The following PSPC1 variants were observed in gnomAD, a reference collection of about 807,000 sequenced individuals.
PSPC1 encodes paraspeckle protein 1.
Under a neutral mutation model 51.6 loss-of-function variants are expected in PSPC1, and 14 were observed. The observed-to-expected ratio is 0.27, with a 90% confidence interval of 0.18 to 0.42. PSPC1 has a LOEUF of 0.42. PSPC1 is among the 10% of genes least tolerant of loss of function. PSPC1 has a pLI of 1.00. For missense variants in PSPC1, 406 were observed against 701.1 expected, an observed-to-expected ratio of 0.58 and a Z score of 4.75; for synonymous variants, 193 against 231.9, an observed-to-expected ratio of 0.83 and a Z score of 1.53.
downstream of PSPC1, among the ~76,000 whole-genome samples, chr13:19,700,760 A>G (rs1482675949): frequency 1.3e-5 from 2 of 152,020 alleles, no homozygotes; most frequent in Non-Finnish European, 2.9e-5. Flanking sequence ...AAATTGTTTC[A>G]TATTACTTTT....
intron 4 of PSPC1, among the ~76,000 whole-genome samples, chr13:19,744,560 T>C (rs1465603899): frequency 2.0e-5 from 3 of 151,476 alleles, no homozygotes. Flanking sequence ...GATGTCTTTT[T>C]TTTTCTTTTT....
intron 1 of PSPC1, among the ~76,000 whole-genome samples, chr13:19,777,200 C>A (rs144850562): frequency 2.0e-5 from 3 of 148,194 alleles, no homozygotes; most frequent in African/African-American, 2.5e-5. Flanking sequence ...GAGGCTGAGG[C>A]GGGTGGATCA....
intron 6 of PSPC1, among the ~76,000 whole-genome samples, chr13:19,715,830 G>A (rs1036267273): frequency 1.3e-5 from 2 of 152,088 alleles, no homozygotes; most frequent in Admixed American, 6.6e-5. Context: ...TAGCTAACAC[G>A]GTGAAACCCC....
intron 6 of PSPC1, among the ~76,000 whole-genome samples, chr13:19,726,131 C>A (rs1883336247): frequency 6.6e-6 from 1 of 152,080 alleles, no homozygotes; most frequent in Non-Finnish European, 1.5e-5. Flanking sequence ...ATAGCCACTG[C>A]ACTCCAGCCT....
chr13:19,685,127 C>A (rs896526965), intron 6 of PSPC1, among the ~76,000 whole-genome samples: 1 of 152,098 alleles, frequency 6.6e-6, no homozygotes, highest in African/African-American at 2.4e-5. Flanking sequence ...GTAAATCTAC[C>A]ATCTCAAACT....
chr13:19,696,385 AC>A (rs1879240216), intron 6 of PSPC1, among the ~76,000 whole-genome samples: 1 of 152,164 alleles, frequency 6.6e-6, no homozygotes, highest in African/African-American at 2.4e-5. Flanking sequence ...TGGTACAGTC[AC>A]AATTTTTTGG....
At position 19,782,752 on chromosome 13, in the gene PSPC1, C is replaced by T; in HGVS notation, c.6G>A (p.Met2Ile). MMLRGNLKQVRI... is the reference protein window; with the variant it reads MILRGNLKQVRI... Reference sequence around the variant, plus strand: ...GCACTTGCTTCAGGTTTCCTCTTAACATCATCTTACTGAGTTCGCCTCGGA... The same window carrying T: ...GCACTTGCTTCAGGTTTCCTCTTAATATCATCTTACTGAGTTCGCCTCGGA... The change falls in exon 1 of 9, where the codon ATG (methionine) becomes ATA (isoleucine). Residue 2 changes from methionine to isoleucine, a missense_variant. Met to Ile is a conservative substitution (Grantham distance 10, BLOSUM62 1). Transcript: ENST00000338910. The surrounding 1 kb of genome is among the most constrained non-coding windows in gnomAD (Gnocchi z 4.5). 9 of 1,555,562 alleles carry T rather than the reference C, an allele frequency of 5.8e-6. No individual in the cohort carries two copies. Among genetic ancestry groups the T allele is most frequent in the Non-Finnish European group, 7.7e-6 (9 of 1,165,066 alleles).
intron 7 of PSPC1, among the ~76,000 whole-genome samples, chr13:19,709,221 A>T (rs1338219754): frequency 6.6e-6 from 1 of 151,898 alleles, no homozygotes; most frequent in Non-Finnish European, 1.5e-5. Context: ...AACTGCAAAG[A>T]CAGAGCTGTA....
chr13:19,747,660 T>G (rs1201981737), intron 4 of PSPC1, among the ~76,000 whole-genome samples: 3 of 152,204 alleles, frequency 2.0e-5, no homozygotes, highest in Admixed American at 1.3e-4. Flanking sequence ...ATTTTTGGGT[T>G]TTTTGCTTAC....
intron 1 of PSPC1, among the ~76,000 whole-genome samples, chr13:19,778,501 TC>T (rs1410195145): frequency 7.0e-6 from 1 of 142,238 alleles, no homozygotes; most frequent in Non-Finnish European, 1.5e-5. Flanking sequence ...CCTGCCTCAG[TC>T]TGCCGAATGC....
intron 4 of PSPC1, 47 bp from the exon 5 acceptor site, chr13:19,741,696 T>C (rs1325049168): frequency 4.0e-6 from 5 of 1,256,400 alleles, no homozygotes; most frequent in Non-Finnish European, 5.7e-6. Flanking sequence ...TCCCTTTCCA[T>C]ATTTTTATAC....
At chr13:19,734,677 C>T (rs1417460476) in intron 5 of PSPC1, among the ~76,000 whole-genome samples, 4 of 151,894 alleles carry the variant, frequency 2.6e-5, no homozygotes, top group African/African-American at 4.8e-5. Flanking sequence ...TGGCAGGTGC[C>T]TGTAATCCCA....
intron 5 of PSPC1, among the ~76,000 whole-genome samples, chr13:19,736,623 C>T (rs1884855748): frequency 1.3e-5 from 2 of 152,056 alleles, no homozygotes; most frequent in Non-Finnish European, 2.9e-5. Flanking sequence ...GCAGAGCTTG[C>T]AGTGAGCCGA....
chr13:19,717,550 C>T (rs1267379306), intron 6 of PSPC1, among the ~76,000 whole-genome samples: 1 of 150,778 alleles, frequency 6.6e-6, no homozygotes, highest in African/African-American at 2.4e-5. Context: ...ATTAAAAACA[C>T]AAAAAATCAG....
At chr13:19,751,147 T>C (rs1408342968) in intron 4 of PSPC1, 124 bp downstream of exon 4, 2 of 641,712 alleles carry the variant, frequency 3.1e-6, no homozygotes, top group Non-Finnish European at 4.8e-6. Context: ...TCACACCTAA[T>C]ATGTTGAGTT....
intron 1 of PSPC1, among the ~76,000 whole-genome samples, chr13:19,773,846 G>A (rs371524969): frequency 6.6e-5 from 10 of 151,976 alleles, no homozygotes; most frequent in African/African-American, 2.4e-4. Flanking sequence ...AGAGATGGGG[G>A]GGTCTCACTA....
chr13:19,763,402 T>A (rs1245657009), intron 2 of PSPC1, among the ~76,000 whole-genome samples: 1 of 152,156 alleles, frequency 6.6e-6, no homozygotes, highest in African/African-American at 2.4e-5. Flanking sequence ...TCAACCATAA[T>A]GTTAAATCTG....
At chr13:19,713,168 T>C (rs1445747098) in intron 6 of PSPC1, among the ~76,000 whole-genome samples, 1 of 152,288 alleles carries the variant, frequency 6.6e-6, no homozygotes, top group African/African-American at 2.4e-5. Context: ...TTAGAACCAG[T>C]GCGTATACGT....
chr13:19,714,040 C>T (rs1881784963), intron 6 of PSPC1, among the ~76,000 whole-genome samples: 1 of 152,174 alleles, frequency 6.6e-6, no homozygotes, highest in Admixed American at 6.5e-5. Flanking sequence ...ATGGATAAAA[C>T]TGTAGTTTAA....
Sources: allele counts gnomAD v4.1 joint callset (sites outside exome capture counted in the v4.1 genomes callset), GRCh38; gene constraint gnomAD v4.1.1; non-coding constraint Gnocchi (gnomAD v3.1); transcripts MANE v1.5; gene names NCBI Gene and HGNC (gene_info 2026-07-23, HGNC 2026-07-21).